The following CDKAL1 variants were observed in gnomAD, a reference collection of about 807,000 sequenced individuals.
CDKAL1 encodes CDKAL1 threonylcarbamoyladenosine tRNA methylthiotransferase.
Under a neutral mutation model 68.2 loss-of-function variants are expected in CDKAL1, and 32 were observed. The ratio of observed to expected loss-of-function variants is 0.47; its 90% CI spans 0.35 to 0.63. The LOEUF (loss-of-function observed/expected upper bound fraction) is 0.63. Among genes scored for constraint, CDKAL1 ranks in the 30% least tolerant of loss-of-function variants. CDKAL1 has a pLI of 0.00. For synonymous variants in CDKAL1, 234 were observed against 244.3 expected (o/e 0.96, Z 0.39); for missense variants, 606 against 696.7 (o/e 0.87, Z 1.47).
chr6:20,679,683 T>C (rs188564097), intron 5 of CDKAL1, among the ~76,000 whole-genome samples: 4 of 152,376 alleles, frequency 2.6e-5, no homozygotes, highest in South Asian at 2.1e-4. Context: ...TTCATACTTT[T>C]ATTGAATTTC....
rs55817885 is a variant in CDKAL1, at chr6:20,996,808, A to G, written c.910-3419A>G. Among the ~76,000 whole-genome samples, 524 of 152,364 alleles carry G rather than the reference A, an allele frequency of 3.4e-3. 3 individuals are homozygous for G. The highest frequency in any genetic ancestry group is 0.012 in the African/African-American group (497 of 41,592). ...GCCACAAACCTTCAATTTGTAAGAA[A>G]CACAATATTTGGGAAGCACAATAAA... On this transcript the variant is annotated intron_variant, in intron 10 of 15. Coordinates refer to ENST00000274695, the MANE Select transcript of CDKAL1 (RefSeq NM_017774.3).
chr6:20,709,845 G>A (rs1356991841), intron 5 of CDKAL1, among the ~76,000 whole-genome samples: 1 of 152,086 alleles, frequency 6.6e-6, no homozygotes, highest in Non-Finnish European at 1.5e-5. Context: ...TGGGAAAGAG[G>A]CTGGCATTTC....
chr6:20,794,813 T>G (rs1776044392), intron 8 of CDKAL1, among the ~76,000 whole-genome samples: 1 of 152,100 alleles, frequency 6.6e-6, no homozygotes, highest in Admixed American at 6.6e-5. Context: ...CTTTAGGATT[T>G]TAGGGGTCAG....
chr6:20,923,779 A>C (rs1014925976), intron 9 of CDKAL1, among the ~76,000 whole-genome samples: 1 of 152,174 alleles, frequency 6.6e-6, no homozygotes, highest in East Asian at 1.9e-4. Context: ...TGTGAGGCTG[A>C]GGTGGGTGGA....
chr6:21,023,704 A>T (rs1768805860), intron 11 of CDKAL1, among the ~76,000 whole-genome samples: 1 of 152,090 alleles, frequency 6.6e-6, no homozygotes, highest in South Asian at 2.1e-4. Flanking sequence ...TTTTTATTTT[A>T]CTTTCCAATG....
At chr6:20,586,811 A>G (rs977114410) in intron 4 of CDKAL1, among the ~76,000 whole-genome samples, 3 of 152,100 alleles carry the variant, frequency 2.0e-5, no homozygotes, top group African/African-American at 7.2e-5. Context: ...GATTTATATC[A>G]TGTTCTGAGG....
chr6:21,204,000 A>C (rs1778798659), intron 15 of CDKAL1, among the ~76,000 whole-genome samples: 1 of 152,116 alleles, frequency 6.6e-6, no homozygotes, highest in South Asian at 2.1e-4. Context: ...ACTTGAGAAA[A>C]ACACAGTTTT....
At chr6:21,002,144 G>A (rs531175459) in intron 11 of CDKAL1, among the ~76,000 whole-genome samples, 13 of 152,292 alleles carry the variant, frequency 8.5e-5, no homozygotes, top group African/African-American at 3.1e-4. Flanking sequence ...GCCTCTATGA[G>A]CTATATAGAG....
intron 4 of CDKAL1, among the ~76,000 whole-genome samples, chr6:20,645,759 T>A (rs78098505): frequency 0.24 from 30,784 of 130,050 alleles, 3,458 homozygotes; most frequent in African/African-American, 0.26. Flanking sequence ...TAAATAAAAA[T>A]AAATAAATAA....
intron 12 of CDKAL1, among the ~76,000 whole-genome samples, chr6:21,069,513 A>G (rs1771639756): frequency 6.6e-6 from 1 of 152,034 alleles, no homozygotes; most frequent in African/African-American, 2.4e-5. Flanking sequence ...CTTGGTTGTG[A>G]TATATTGCTA....
intron 8 of CDKAL1, among the ~76,000 whole-genome samples, chr6:20,820,623 G>A (rs779708025): frequency 6.6e-6 from 1 of 152,144 alleles, no homozygotes; most frequent in Non-Finnish European, 1.5e-5. Context: ...TTGATGAGGA[G>A]CGTTGGCCCC....
chr6:20,878,510 CCGG>C (rs1760648856), intron 9 of CDKAL1, among the ~76,000 whole-genome samples: 2 of 150,940 alleles, frequency 1.3e-5, no homozygotes, highest in Admixed American at 6.6e-5. Context: ...GGGGCGGAGG[CCGG>C]CGGATCACTT....
At chr6:21,087,795 C>T (rs970211126) in intron 12 of CDKAL1, among the ~76,000 whole-genome samples, 3 of 149,608 alleles carry the variant, frequency 2.0e-5, no homozygotes, top group Non-Finnish European at 3.0e-5. Flanking sequence ...TGCATGCATG[C>T]GTGCACACAC....
At chr6:20,617,925 A>C (rs1307929205) in intron 4 of CDKAL1, among the ~76,000 whole-genome samples, 1 of 152,184 alleles carries the variant, frequency 6.6e-6, no homozygotes, top group Non-Finnish European at 1.5e-5. Flanking sequence ...TCCTCTGAGT[A>C]TATACTCAGT....
chr6:21,002,408 A>G (rs1767475613), intron 11 of CDKAL1, among the ~76,000 whole-genome samples: 1 of 152,074 alleles, frequency 6.6e-6, no homozygotes, highest in Admixed American at 6.6e-5. Flanking sequence ...ACCCCCCCAT[A>G]TATAGTTTCA....
intron 13 of CDKAL1, among the ~76,000 whole-genome samples, chr6:21,149,029 G>T (rs557500607): frequency 6.6e-6 from 1 of 152,280 alleles, no homozygotes; most frequent in Non-Finnish European, 1.5e-5. Flanking sequence ...TGCCTGCTGG[G>T]TGCTTAGGGA....
chr6:21,166,072 C>T (rs1777137616), intron 13 of CDKAL1, among the ~76,000 whole-genome samples: 1 of 152,094 alleles, frequency 6.6e-6, no homozygotes, highest in Non-Finnish European at 1.5e-5. Flanking sequence ...TTGCTGTGAG[C>T]ATTACACATG....
chr6:20,534,909 G>A (rs115275168), intron 1 of CDKAL1, among the ~76,000 whole-genome samples: 2,126 of 152,266 alleles, frequency 0.014, 54 homozygotes, highest in African/African-American at 0.047. Context: ...AGCTTTCCCA[G>A]ATCAGTATGT....
chr6:20,548,336 C>G (rs1181243622), intron 3 of CDKAL1, among the ~76,000 whole-genome samples: 2 of 152,010 alleles, frequency 1.3e-5, no homozygotes, highest in African/African-American at 2.4e-5. Context: ...AGTTCAAGAT[C>G]AGCCTGGACA....
Sources: allele counts gnomAD v4.1 joint callset (sites outside exome capture counted in the v4.1 genomes callset), GRCh38; gene constraint gnomAD v4.1.1; transcripts MANE v1.5; gene names NCBI Gene and HGNC (gene_info 2026-07-23, HGNC 2026-07-21).